The following ABCC9 variants were observed in gnomAD, a reference collection of about 807,000 sequenced individuals.
The protein encoded by ABCC9 is ATP-binding cassette sub-family C member 9.
Under a neutral mutation model 188.3 loss-of-function variants are expected in ABCC9, and 95 were observed. The observed-to-expected ratio is 0.50, with a 90% CI of 0.43 to 0.60. The LOEUF is 0.60. Ranked by LOEUF, ABCC9 falls within the 20% of genes least tolerant of loss-of-function variation. The probability of loss-of-function intolerance (pLI) is 0.00; values close to 1 mark genes in which losing one functional copy is unlikely to be tolerated. For missense variants in ABCC9, 1,102 were observed against 1,876.3 expected, an observed-to-expected ratio of 0.59 and a Z score of 7.62; for synonymous variants, 659 against 652.7, an observed-to-expected ratio of 1.01 and a Z score of -0.15.
At chr12:21,895,388 AT>A in intron 12 of ABCC9, 73 bp from the exon 13 acceptor site, 1 of 1,324,806 alleles carries the variant, frequency 7.5e-7, no homozygotes, top group South Asian at 1.2e-5. Context: ...ATCATCTATT[AT>A]TGCTTTAACT....
Position 21,828,996 on chromosome 12 carries a change from A to G in ABCC9, c.3631T>C (p.Phe1211Leu). Residue 1211 changes from phenylalanine to leucine, a missense_variant, in exon 31 of 40, where the codon TTT becomes CTT. Physicochemically the swap from Phe to Leu is conservative, Grantham distance 22 (BLOSUM62 0). Transcript: ENST00000261200. Reference protein sequence around the residue: ...LTDTNNIAYLFLSAANRWLEV... With the variant: ...LTDTNNIAYLLLSAANRWLEV... ...AGCCATCTGTTGGCAGCTGAGAGAA[A>G]TAAGTAGGCAATGTTGTTTGTATCC... 1 of 1,614,082 alleles carries G rather than the reference A, an allele frequency of 6.2e-7. No individual in the cohort carries two copies. Among genetic ancestry groups the G allele is most frequent in the Non-Finnish European group, 8.5e-7 (1 of 1,179,998 alleles).
intron 16 of ABCC9, among the ~76,000 whole-genome samples, chr12:21,880,088 A>T (rs563819689): frequency 2.0e-5 from 3 of 151,274 alleles, no homozygotes; most frequent in Admixed American, 6.6e-5. Context: ...CACACTTGAA[A>T]ACATTAAATC....
chr12:21,804,393 T>G (rs1941699672), intron 39 of ABCC9, among the ~76,000 whole-genome samples: 1 of 152,182 alleles, frequency 6.6e-6, no homozygotes, highest in Non-Finnish European at 1.5e-5. Flanking sequence ...CAATGGTCTG[T>G]TTTCTCTCCC....
intron 3 of ABCC9, among the ~76,000 whole-genome samples, chr12:21,934,996 T>G (rs958090537): frequency 6.6e-6 from 1 of 152,126 alleles, no homozygotes; most frequent in Non-Finnish European, 1.5e-5. Context: ...CCTGATAGTT[T>G]TTAAGATTGA....
chr12:21,920,556 T>C (rs1948771803), intron 5 of ABCC9, among the ~76,000 whole-genome samples: 1 of 152,124 alleles, frequency 6.6e-6, no homozygotes, highest in African/African-American at 2.4e-5. Context: ...TTATCCTTTC[T>C]GTTAAAAATA....
At position 21,867,766 on chromosome 12, in the gene ABCC9, C is replaced by T. The variant is rs1317951909; in HGVS notation, c.2199-3289G>A. 2.7e-5 allele frequency among the ~76,000 whole-genome samples: 4 copies of T among 146,110 alleles called. No homozygotes were observed. The East Asian group carries it at 7.9e-4, about 29-fold the overall frequency. Reference sequence around the variant, plus strand: ...ACTAAGATGTTGGGAGATAGAATGTCAGGACAGAAGGGGCCTGAAGAGGAG... The same window carrying T: ...ACTAAGATGTTGGGAGATAGAATGTTAGGACAGAAGGGGCCTGAAGAGGAG... On this transcript the variant is annotated intron_variant, in intron 18 of 39. Transcript: ENST00000261200.
intron 9 of ABCC9, among the ~76,000 whole-genome samples, chr12:21,910,555 C>T (rs1006657442): frequency 2.0e-5 from 3 of 151,812 alleles, no homozygotes; most frequent in African/African-American, 7.2e-5. Flanking sequence ...ATGCATTAAA[C>T]TTTAAGCATA....
chr12:21,912,780 TG>T, intron 8 of ABCC9, 91 bp downstream of exon 8: 1 of 1,332,316 alleles, frequency 7.5e-7, no homozygotes, highest in Admixed American at 1.9e-5. Context: ...AAAGCCTATT[TG>T]AACAACTCAT....
At chr12:21,926,746 C>G (rs1949061860) in intron 4 of ABCC9, among the ~76,000 whole-genome samples, 1 of 152,106 alleles carries the variant, frequency 6.6e-6, no homozygotes, top group Non-Finnish European at 1.5e-5. Flanking sequence ...GAAGACAGTT[C>G]CAGGCAGAGG....
intron 11 of ABCC9, among the ~76,000 whole-genome samples, chr12:21,906,724 G>A (rs1192787270): frequency 1.3e-5 from 2 of 152,082 alleles, no homozygotes; most frequent in Non-Finnish European, 2.9e-5. Context: ...AGAAAAGTTA[G>A]TGGGCTTCTT....
At chr12:21,810,487 A>G (rs904677207) in intron 36 of ABCC9, among the ~76,000 whole-genome samples, 2 of 152,190 alleles carry the variant, frequency 1.3e-5, no homozygotes, top group African/African-American at 4.8e-5. Flanking sequence ...CAGGAAACTT[A>G]CAATCATGGT....
At chr12:21,835,360 C>G (rs1274505435) in intron 30 of ABCC9, among the ~76,000 whole-genome samples, 4 of 152,154 alleles carry the variant, frequency 2.6e-5, no homozygotes, top group African/African-American at 9.7e-5. Flanking sequence ...TAGAGGAATG[C>G]AAACACACAA....
chr12:21,925,597 C>A, intron 5 of ABCC9: 1 of 684,504 alleles, frequency 1.5e-6, no homozygotes, highest in African/African-American at 1.8e-5. Context: ...AGCATGGTGC[C>A]GCAGCTCCTC....
At chr12:21,851,871 T>TA (rs1287788848) in intron 24 of ABCC9, among the ~76,000 whole-genome samples, 1 of 151,630 alleles carries the variant, frequency 6.6e-6, no homozygotes, top group Non-Finnish European at 1.5e-5. Context: ...AAACAGCCTC[T>TA]AAAAACCTGA....
chr12:21,841,361 T>C lies in ABCC9; in HGVS notation c.3473+953A>G, dbSNP rs1360088947. On this transcript the variant is annotated intron_variant, in intron 29 of 39. Transcript: ENST00000261200. Reference sequence around the variant, plus strand: ...TTTCTGGTTTCCTTTTTTTTTTTTTTTTTTTTTTTTTTTTTGAGACAGAGT... The same window carrying C: ...TTTCTGGTTTCCTTTTTTTTTTTTTCTTTTTTTTTTTTTTTGAGACAGAGT... Among the ~76,000 whole-genome samples, 16 of 133,248 alleles carry C rather than the reference T, an allele frequency of 1.2e-4. 2 individuals carry two copies. The highest frequency in any genetic ancestry group is 3.0e-4 in the Admixed American group (4 of 13,374). 87.4% of individuals were successfully genotyped at this position (133,248 alleles called of 152,430 possible). A position where few individuals can be genotyped will look rare whatever the true frequency, so the allele number is the denominator to read the frequency against.
At chr12:21,830,709 C>T (rs1411186596) in intron 30 of ABCC9, among the ~76,000 whole-genome samples, 2 of 152,158 alleles carry the variant, frequency 1.3e-5, no homozygotes, top group Non-Finnish European at 2.9e-5. Flanking sequence ...GGACAGTAAG[C>T]TCTAATCTAC....
intron 12 of ABCC9, among the ~76,000 whole-genome samples, chr12:21,900,456 C>T (rs148602636): frequency 5.3e-5 from 8 of 152,298 alleles, no homozygotes; most frequent in Non-Finnish European, 7.4e-5. Flanking sequence ...CAAAGCAGGA[C>T]GGAGAATGAC....
Position 21,882,842 on chromosome 12 carries a change from C to T in ABCC9, c.1943G>A (p.Gly648Glu), listed in dbSNP as rs763573197. ...CTCATAGCTGTCCAGGTGATATCTT[C>T]CAGGCTGTTTCCTGTTTATAGTTTT... is the stretch of plus-strand genomic sequence containing the variant. ...QPKTINRKQP[G>E]RYHLDSYEQS... The change falls in exon 16 of 40, where the codon GGA (glycine) becomes GAA (glutamate). Residue 648 changes from glycine to glutamate, a missense_variant. Around this residue, in one of 12 missense-constraint regions of ABCC9, gnomAD observed 258 missense variants for 325.6 expected, o/e 0.79. Transcript: ENST00000261200. The T allele has an allele frequency of 2.5e-6, 4 of 1,613,882 alleles. No individual in the cohort carries two copies. In the Admixed American group the frequency reaches 5.0e-5, roughly 20 times the overall value.
chr12:21,836,036 C>T (rs1182953989), intron 30 of ABCC9, among the ~76,000 whole-genome samples: 6 of 152,166 alleles, frequency 3.9e-5, no homozygotes, highest in Non-Finnish European at 8.8e-5. Context: ...CAATTTGCTC[C>T]TAAATCTCAT....
Sources: allele counts gnomAD v4.1 joint callset (sites outside exome capture counted in the v4.1 genomes callset), GRCh38; gene constraint gnomAD v4.1.1; regional missense constraint gnomAD v4.1.1; transcripts MANE v1.5; gene names NCBI Gene and HGNC (gene_info 2026-07-23, HGNC 2026-07-21).